The following NTNG1 variants were observed in gnomAD, a reference collection of about 807,000 sequenced individuals.
The protein encoded by NTNG1 is netrin-G1.
A neutral mutation model predicts 54.0 loss-of-function variants in NTNG1; 16 were observed. The observed-to-expected ratio is 0.30, with a 90% CI of 0.20 to 0.45. The LOEUF (loss-of-function observed/expected upper bound fraction) is 0.45, where lower values mean the gene tolerates loss of function less well. Among genes scored for constraint, NTNG1 ranks in the 20% least tolerant of loss-of-function variants. The pLI, the probability that NTNG1 is intolerant of heterozygous loss-of-function variation, is 1.00. For missense variants in NTNG1, 530 were observed against 678.7 expected (o/e 0.78, Z 2.43); for synonymous variants, 255 against 263.1 (o/e 0.97, Z 0.30).
rs189548691 is a variant in NTNG1 at position 107,198,608 on chromosome 1, G to A, written c.246+49769G>A. Among the ~76,000 whole-genome samples the A allele has an allele frequency of 1.7e-3, 263 of 151,988 alleles. 1 individual carries two copies. The highest frequency in any genetic ancestry group is 5.9e-3 in the African/African-American group (246 of 41,500). ...TTCGTATTTTTGTGTTTTGGGGAGA[G>A]TAAACATGTAAGAGAAAGAACTTAG... is the stretch of plus-strand genomic sequence containing the variant. On this transcript the variant is annotated intron_variant, in intron 2 of 7. Coordinates refer to ENST00000370068, the MANE Select transcript of NTNG1 (RefSeq NM_001113226.3).
intron 7 of NTNG1, among the ~76,000 whole-genome samples, chr1:107,468,026 C>T (rs766840254): frequency 6.6e-6 from 1 of 152,080 alleles, no homozygotes; most frequent in Non-Finnish European, 1.5e-5. Context: ...ATAAAATCAC[C>T]TCCCAAGACT....
chr1:107,179,695 A>G (rs1455573093), intron 2 of NTNG1, among the ~76,000 whole-genome samples: 2 of 152,118 alleles, frequency 1.3e-5, no homozygotes, highest in African/African-American at 4.8e-5. Flanking sequence ...TCACCCAAGT[A>G]TTAAAACTAG....
At chr1:107,376,029 T>C (rs1354121999) in intron 3 of NTNG1, among the ~76,000 whole-genome samples, 1 of 152,246 alleles carries the variant, frequency 6.6e-6, no homozygotes, top group Non-Finnish European at 1.5e-5. Flanking sequence ...GTAATGATAG[T>C]AATTTGCCAA....
chr1:107,199,780 TTAAAG>T (rs755245267), intron 2 of NTNG1, among the ~76,000 whole-genome samples: 12 of 151,886 alleles, frequency 7.9e-5, no homozygotes, highest in South Asian at 2.1e-4. Context: ...TCTGGTCCTC[TTAAAG>T]TAAAGTGACT....
intron 7 of NTNG1, among the ~76,000 whole-genome samples, chr1:107,438,188 T>C (rs939098467): frequency 6.6e-6 from 1 of 152,118 alleles, no homozygotes; most frequent in African/African-American, 2.4e-5. Context: ...TGAAATGCCA[T>C]GGGCAGCAAT....
intron 2 of NTNG1, among the ~76,000 whole-genome samples, chr1:107,211,967 CAT>C (rs1659623326): frequency 6.6e-6 from 1 of 152,146 alleles, no homozygotes; most frequent in Non-Finnish European, 1.5e-5. Flanking sequence ...AAGTTATTCA[CAT>C]GTCAAACTCT....
intron 2 of NTNG1, among the ~76,000 whole-genome samples, chr1:107,245,072 C>G (rs1570944744): frequency 6.6e-6 from 1 of 152,202 alleles, no homozygotes; most frequent in South Asian, 2.1e-4. Flanking sequence ...CAAAAAAAGA[C>G]CCATAAGTGT....
chr1:107,280,527 A>G (rs1664779399), intron 2 of NTNG1, among the ~76,000 whole-genome samples: 1 of 150,740 alleles, frequency 6.6e-6, no homozygotes, highest in South Asian at 2.1e-4. Flanking sequence ...GGCATGCTGT[A>G]ACTCTTCCTC....
At chr1:107,292,670 G>T (rs1665690277) in intron 2 of NTNG1, among the ~76,000 whole-genome samples, 1 of 151,996 alleles carries the variant, frequency 6.6e-6, no homozygotes, top group African/African-American at 2.4e-5. Context: ...GACCTCCTAG[G>T]GTCATTAAGT....
chr1:107,336,518 T>A (rs77162246), intron 3 of NTNG1, among the ~76,000 whole-genome samples: 1 of 151,864 alleles, frequency 6.6e-6, no homozygotes, highest in Non-Finnish European at 1.5e-5. Flanking sequence ...AACTATGAAA[T>A]GTTTAGAAAA....
intron 2 of NTNG1, among the ~76,000 whole-genome samples, chr1:107,201,526 A>G (rs1472979612): frequency 6.6e-6 from 1 of 151,828 alleles, no homozygotes; most frequent in Admixed American, 6.6e-5. Flanking sequence ...AAAGATTGCC[A>G]AAGATGTTAT....
At chr1:107,296,032 C>T (rs1243735484) in intron 2 of NTNG1, among the ~76,000 whole-genome samples, 2 of 152,084 alleles carry the variant, frequency 1.3e-5, no homozygotes, top group African/African-American at 4.8e-5. Flanking sequence ...GTGGTTTCTG[C>T]CTCAGTTGAT....
At chr1:107,215,186 G>T (rs1414701802) in intron 2 of NTNG1, among the ~76,000 whole-genome samples, 1 of 151,994 alleles carries the variant, frequency 6.6e-6, no homozygotes, top group Non-Finnish European at 1.5e-5. Context: ...TTAGATTCTT[G>T]GTCATGAAGT....
At chr1:107,446,515 GA>G (rs993903638) in intron 7 of NTNG1, among the ~76,000 whole-genome samples, 3 of 152,002 alleles carry the variant, frequency 2.0e-5, no homozygotes, top group Non-Finnish European at 2.9e-5. Context: ...TGTTCACAGG[GA>G]AAAAATACAT....
chr1:107,305,969 C>A (rs561457329), intron 2 of NTNG1, among the ~76,000 whole-genome samples: 1 of 152,090 alleles, frequency 6.6e-6, no homozygotes, highest in South Asian at 2.1e-4. Flanking sequence ...AAGCTTATCC[C>A]CTTTCCTGGA....
intron 2 of NTNG1, among the ~76,000 whole-genome samples, chr1:107,261,233 G>C (rs1414221726): frequency 1.3e-5 from 2 of 152,122 alleles, no homozygotes; most frequent in Non-Finnish European, 2.9e-5. Context: ...CATAATCCCT[G>C]CCTTCATGTA....
intron 7 of NTNG1, among the ~76,000 whole-genome samples, chr1:107,476,121 G>A (rs958272684): frequency 2.0e-5 from 3 of 152,128 alleles, no homozygotes; most frequent in Non-Finnish European, 4.4e-5. Flanking sequence ...TTTCCAGTTT[G>A]TCGATTCATA....
intron 7 of NTNG1, among the ~76,000 whole-genome samples, chr1:107,443,054 G>C (rs1042938036): frequency 6.6e-6 from 1 of 152,098 alleles, no homozygotes; most frequent in Non-Finnish European, 1.5e-5. Flanking sequence ...ACGCTTTCTG[G>C]AGAGTTTTGG....
chr1:107,270,714 GC>G (rs1361550041), intron 2 of NTNG1, among the ~76,000 whole-genome samples: 3 of 68,632 alleles, frequency 4.4e-5, no homozygotes, highest in Admixed American at 2.9e-4. Context: ...CCCCGCCCCC[GC>G]CCCCCCACCC....
Sources: gnomAD v4.1 joint callset for allele counts (sites outside exome capture counted in the v4.1 genomes callset) on GRCh38, gnomAD v4.1.1 for gene constraint, MANE v1.5 for transcripts, NCBI Gene and HGNC (gene_info 2026-07-23, HGNC 2026-07-21) for gene names.